Variants in OSBPL5 observed in about 807,000 individuals in gnomAD.
The protein encoded by OSBPL5 is oxysterol binding protein like 5.
A neutral mutation model predicts 111.2 loss-of-function variants in OSBPL5; 71 were observed. The ratio of observed to expected loss-of-function variants is 0.64; its 90% CI spans 0.53 to 0.78. OSBPL5 has a LOEUF of 0.78. Among genes scored for constraint, OSBPL5 ranks in the 30% least tolerant of loss-of-function variants. The probability of loss-of-function intolerance (pLI) is 0.00; values close to 1 mark genes in which losing one functional copy is unlikely to be tolerated. For synonymous variants in OSBPL5, 549 were observed against 513.9 expected (o/e 1.07, Z -0.93); for missense variants, 1,210 against 1,189.3 (o/e 1.02, Z -0.26).
chr11:3,092,009 GTTA>G lies in OSBPL5; in HGVS notation c.2259+420_2259+422del. On this transcript the variant is annotated intron_variant, in intron 19 of 21. Transcript: ENST00000263650. This position sits in a 1 kb window ranked among gnomAD's most constrained non-coding sequence, Gnocchi z 5.4. Reference sequence around the variant, plus strand: ...GACACACCCAAGGCAGCTTCCTCAGGTTACTCCCTGGAGCCTCCTGCTGTCCCG... The same window carrying G: ...GACACACCCAAGGCAGCTTCCTCAGGCTCCCTGGAGCCTCCTGCTGTCCCG... Among the ~76,000 whole-genome samples, 1 of 152,178 alleles carries G rather than the reference GTTA, an allele frequency of 6.6e-6. No homozygotes were observed. The highest frequency in any genetic ancestry group is 1.5e-5 in the Non-Finnish European group (1 of 68,022).
At position 3,104,256 on chromosome 11, in the gene OSBPL5, A is replaced by G. The variant is rs1396704997; in HGVS notation, c.1181T>C (p.Leu394Pro). 1.2e-6 allele frequency: 2 copies of G among 1,613,612 alleles called. No individual in the cohort carries two copies. Among genetic ancestry groups the G allele is most frequent in the Non-Finnish European group, 1.7e-6 (2 of 1,179,864 alleles). Residue 394 changes from leucine to proline, a missense_variant, in exon 10 of 22, where the codon CTG becomes CCG. Transcript: ENST00000263650. The surrounding 1 kb of genome is among the most constrained non-coding windows in gnomAD (Gnocchi z 5.0). ...LSRVVLPTFV[L>P]EPRSFLNKLS... ...CTTGTTCAGGAAGGAGCGCGGCTCCAGTACGAACGTGGGTAGCACCACGCG... is the reference window on the plus strand; with the variant it reads ...CTTGTTCAGGAAGGAGCGCGGCTCCGGTACGAACGTGGGTAGCACCACGCG...
At chr11:3,138,554 A>G (rs1314881185) in intron 1 of OSBPL5, among the ~76,000 whole-genome samples, 1 of 152,232 alleles carries the variant, frequency 6.6e-6, no homozygotes, top group East Asian at 1.9e-4. Flanking sequence ...CACACTGGAA[A>G]TAAGACATGA....
Position 3,093,378 on chromosome 11 carries a change from CGTGATCTGCCACCAGGG to C in OSBPL5, c.1946+132_1946+148del, listed in dbSNP as rs1041283697. 6.4e-6 allele frequency: 8 copies of C among 1,253,240 alleles called. No individual in the cohort carries two copies. In the African/African-American group the frequency reaches 1.0e-4, roughly 16 times the overall value. 77.6% of individuals were successfully genotyped at this position (1,253,240 alleles called of 1,614,324 possible). ...CCCTCCATCTGTCCTTTCCAGGACA[CGTGATCTGCCACCAGGG>C]GTGCACCAGGCCTGCCCTCCCTGCC... On this transcript the variant is annotated intron_variant, in intron 17 of 21. Coordinates refer to ENST00000263650, the MANE Select transcript of OSBPL5 (RefSeq NM_020896.4).
chr11:3,094,401 A>ACCGACCCAGCAGCACTGATCCCTGAGTC, intron 14 of OSBPL5, 67 bp from the exon 15 acceptor site: 1 of 1,292,850 alleles, frequency 7.7e-7, no homozygotes, highest in African/African-American at 1.7e-5. Flanking sequence ...CCTGCTGAGT[A>ACCGACCCAGCAGCACTGATCCCTGAGTC]CCGACCCAGC....
chr11:3,100,555 C>T (rs12270081), intron 13 of OSBPL5, among the ~76,000 whole-genome samples: 25,449 of 152,168 alleles, frequency 0.17, 2,563 homozygotes, highest in African/African-American at 0.29. Context: ...TTTTCAAACT[C>T]GACTGAGCCC....
Position 3,088,212 on chromosome 11 carries a change from A to G in OSBPL5, c.2633T>C (p.Leu878Pro). ...GCTCTGCCCTCAGGGCTCCTATTTG[A>G]GGATGTGGTTAATGAACAGCTGACA... ...LACQLFINHI[L>P]K The change falls in exon 22 of 22, where the codon CTC (leucine) becomes CCC (proline). Residue 878 changes from leucine to proline, a missense_variant. Transcript: ENST00000263650. 6.3e-7 allele frequency: 1 copy of G among 1,590,634 alleles called. No individual in the cohort carries two copies.
At position 3,142,222 on chromosome 11, in the gene OSBPL5, AG is replaced by A. The variant is rs1846145810; in HGVS notation, c.-21-13054del. On this transcript the variant is annotated intron_variant, in intron 1 of 21. Coordinates refer to ENST00000263650, the MANE Select transcript of OSBPL5 (RefSeq NM_020896.4). The surrounding 1 kb of genome is among the most constrained non-coding windows in gnomAD (Gnocchi z 7.1). ...GCGTGAGCCACCGTGCCCGGCCGACAGCTGGTTTCTGAGGCCAAGAGAAGAA... is the reference window on the plus strand; with the variant it reads ...GCGTGAGCCACCGTGCCCGGCCGACACTGGTTTCTGAGGCCAAGAGAAGAA... Among the ~76,000 whole-genome samples, 1 of 152,214 alleles carries A rather than the reference AG, an allele frequency of 6.6e-6. No individual in the cohort carries two copies. The highest frequency in any genetic ancestry group is 1.9e-4 in the East Asian group (1 of 5,194).
intron 3 of OSBPL5, 71 bp from the exon 4 acceptor site, chr11:3,122,499 T>G: frequency 7.0e-7 from 1 of 1,435,932 alleles, no homozygotes; most frequent in South Asian, 1.2e-5. Context: ...CAGGTTGGCC[T>G]GATGCCAAGG....
rs764554752 is a variant in OSBPL5 at position 3,110,654 on chromosome 11, T to C, written c.692-2709A>G. 1.3e-5 allele frequency among the ~76,000 whole-genome samples: 2 copies of C among 152,198 alleles called. No individual in the cohort carries two copies. The highest frequency in any genetic ancestry group is 1.9e-4 in the East Asian group (1 of 5,190). On this transcript the variant is annotated intron_variant, in intron 7 of 21. Coordinates refer to ENST00000263650, the MANE Select transcript of OSBPL5 (RefSeq NM_020896.4). This position sits in a 1 kb window ranked among gnomAD's most constrained non-coding sequence, Gnocchi z 5.3. The stretch of plus-strand genomic sequence containing the variant: ...CTTAGGGCCAACCTGCCTCCCATTC[T>C]ATTCCAAGTCACCCCTCTGCTCACT...
At position 3,113,509 on chromosome 11, in the gene OSBPL5, G is replaced by A; in HGVS notation, c.692-5564C>T. Among the ~76,000 whole-genome samples the A allele has an allele frequency of 6.6e-6, 1 of 152,106 alleles. No homozygotes were observed. Among genetic ancestry groups the A allele is most frequent in the Admixed American group, 6.6e-5 (1 of 15,266 alleles). ...ATCTCTACTAAAAATACAAAAATTA[G>A]CCAGGTGTGTTGGCAGGCACCTGTA... On this transcript the variant is annotated intron_variant, in intron 7 of 21. Transcript: ENST00000263650. The surrounding 1 kb of genome is among the most constrained non-coding windows in gnomAD (Gnocchi z 4.8).
At chr11:3,103,848 TTTCCAGTCTGCGC>T (rs1564830653) in intron 10 of OSBPL5, among the ~76,000 whole-genome samples, 1,103 of 54,616 alleles carry the variant, frequency 0.02, 9 homozygotes, top group Middle Eastern at 0.04. Context: ...CTGCAGCCCC[TTTCCAGTCTGCGC>T]AGCCCCCTTC....
chr11:3,094,675 A>T (rs945126708), intron 14 of OSBPL5: 40 of 257,404 alleles, frequency 1.6e-4, no homozygotes, highest in African/African-American at 8.6e-4. Context: ...CTCCTGTTCC[A>T]GCCTCCTGGG....
rs112019882 is a variant in OSBPL5 at position 3,090,459 on chromosome 11, C to T, written c.2398+99G>A. 2.4e-3 allele frequency: 3,604 copies of T among 1,491,674 alleles called. 76 individuals carry two copies. In the African/African-American group the frequency reaches 0.044, roughly 18 times the overall value. The allele number at this position is 1,491,674 out of a possible 1,614,324, so 92.4% of individuals were successfully genotyped here. ...GAGCTTTTGCTGGGAGGTTGCCCTACATCTGGGCAGGTGCTTCTCTGGCCT... is the reference window on the plus strand; with the variant it reads ...GAGCTTTTGCTGGGAGGTTGCCCTATATCTGGGCAGGTGCTTCTCTGGCCT... On this transcript the variant is annotated intron_variant, in intron 20 of 21. Transcript: ENST00000263650.
rs1858412386 is a variant in OSBPL5 at position 3,121,401 on chromosome 11, T to C, written c.402+596A>G. Among the ~76,000 whole-genome samples, 1 of 152,152 alleles carries C rather than the reference T, an allele frequency of 6.6e-6. No individual in the cohort carries two copies. Among genetic ancestry groups the C allele is most frequent in the African/African-American group, 2.4e-5 (1 of 41,428 alleles). ...TGAAAGTAGTTGTCTTCTTTTCTCA[T>C]TCTAAATACTCACTTTTGCACCTAA... On this transcript the variant is annotated intron_variant, in intron 5 of 21. Transcript: ENST00000263650. This position sits in a 1 kb window ranked among gnomAD's most constrained non-coding sequence, Gnocchi z 4.3.
At chr11:3,150,450 C>A (rs1177519844) in intron 1 of OSBPL5, among the ~76,000 whole-genome samples, 2 of 152,134 alleles carry the variant, frequency 1.3e-5, no homozygotes, top group Non-Finnish European at 2.9e-5. Flanking sequence ...AGGAGCCCAG[C>A]AGCCCCTAGG....
rs74048802 is a variant in OSBPL5, at chr11:3,107,592, C to T, written c.867-137G>A. 7,033 of 1,350,854 alleles carry T rather than the reference C, an allele frequency of 5.2e-3. 149 individuals carry two copies. The African/African-American group carries it at 0.064, about 12-fold the overall frequency. 83.7% of individuals were successfully genotyped at this position (1,350,854 alleles called of 1,614,324 possible). A position where few individuals can be genotyped will look rare whatever the true frequency, so the allele number is the denominator to read the frequency against. On this transcript the variant is annotated intron_variant, in intron 8 of 21. Transcript: ENST00000263650. The surrounding 1 kb of genome is among the most constrained non-coding windows in gnomAD (Gnocchi z 6.1). ...TCACCTCCACAACCCACATTTGACACGATCAGCCCCGTTTTAGAGGAAGGA... is the reference window on the plus strand; with the variant it reads ...TCACCTCCACAACCCACATTTGACATGATCAGCCCCGTTTTAGAGGAAGGA...
At chr11:3,152,862 C>T (rs1372563049) in intron 1 of OSBPL5, among the ~76,000 whole-genome samples, 5 of 152,226 alleles carry the variant, frequency 3.3e-5, no homozygotes, top group African/African-American at 4.8e-5. Flanking sequence ...TGGAATACCA[C>T]GTGCCAGGTC....
At chr11:3,112,096 T>C (rs1269571056) in intron 7 of OSBPL5, among the ~76,000 whole-genome samples, 5 of 127,396 alleles carry the variant, frequency 3.9e-5, no homozygotes, top group South Asian at 2.4e-4. Context: ...CATGTGTGTG[T>C]GCATATGTGT....
rs1462118277 is a variant in OSBPL5, at chr11:3,154,640, G to A, written c.-22+10576C>T. The stretch of plus-strand genomic sequence containing the variant: ...ACAGGGGATAAAAACAGAACCCACT[G>A]ACGAGACGCCTGGCAGTGCGGGGGC... On this transcript the variant is annotated intron_variant, in intron 1 of 21. Coordinates refer to ENST00000263650, the MANE Select transcript of OSBPL5 (RefSeq NM_020896.4). This position sits in a 1 kb window ranked among gnomAD's most constrained non-coding sequence, Gnocchi z 4.9. 2.0e-5 allele frequency among the ~76,000 whole-genome samples: 3 copies of A among 152,186 alleles called. No homozygotes were observed. Among genetic ancestry groups the A allele is most frequent in the Non-Finnish European group, 2.9e-5 (2 of 68,028 alleles).
Sources: gnomAD v4.1 joint callset for allele counts (sites outside exome capture counted in the v4.1 genomes callset) on GRCh38, gnomAD v4.1.1 for gene constraint, Gnocchi (gnomAD v3.1) non-coding constraint, MANE v1.5 for transcripts, NCBI Gene and HGNC (gene_info 2026-07-23, HGNC 2026-07-21) for gene names.